TEX9: variants seen among roughly 807,000 people sequenced by gnomAD.
TEX9 encodes testis-expressed protein 9.
A neutral mutation model predicts 59.6 loss-of-function variants in TEX9; 74 were observed. The ratio of observed to expected loss-of-function variants is 1.24; its 90% CI spans 1.03 to 1.51. TEX9 has a LOEUF of 1.51. Among genes scored for constraint, TEX9 ranks in the 40% most tolerant of loss-of-function variants. The pLI is 0.00. For missense variants in TEX9, 522 were observed against 447.8 expected (o/e 1.17, Z -1.49); for synonymous variants, 186 against 152.2 (o/e 1.22, Z -1.64).
At chr15:56,444,873 A>C (rs924465737) in intron 12 of TEX9, among the ~76,000 whole-genome samples, 1 of 152,058 alleles carries the variant, frequency 6.6e-6, no homozygotes, top group African/African-American at 2.4e-5. Flanking sequence ...CAGCTTTCCT[A>C]TCCCTTCAAG....
intron 1 of TEX9, among the ~76,000 whole-genome samples, chr15:56,248,338 T>C (rs1199741846): frequency 6.6e-6 from 1 of 152,230 alleles, no homozygotes; most frequent in Non-Finnish European, 1.5e-5. Context: ...TGTCATTATG[T>C]CATTAAAACA....
chr15:56,317,450 G>C (rs926437158), intron 1 of TEX9, among the ~76,000 whole-genome samples: 7 of 152,070 alleles, frequency 4.6e-5, no homozygotes, highest in African/African-American at 1.7e-4. Flanking sequence ...CTAGCTAAAG[G>C]TTTGTCAGTT....
chr15:56,261,600 C>A (rs971842355), intron 1 of TEX9, among the ~76,000 whole-genome samples: 2 of 152,000 alleles, frequency 1.3e-5, no homozygotes, highest in Non-Finnish European at 2.9e-5. Context: ...TGCCTGTAGT[C>A]CCGCTATTCG....
chr15:56,456,264 A>G, the TEX9 span: 1 of 767,002 alleles, frequency 1.3e-6, no homozygotes, highest in Non-Finnish European at 1.9e-6. Flanking sequence ...TAAAGCAATA[A>G]GTATTTCCAG....
chr15:56,363,797 T>A (rs2046837476), upstream of TEX9, among the ~76,000 whole-genome samples: 1 of 151,806 alleles, frequency 6.6e-6, no homozygotes, highest in Admixed American at 6.6e-5. Flanking sequence ...TCCTAGTAGT[T>A]GGGACTACAG....
intron 1 of TEX9, among the ~76,000 whole-genome samples, chr15:56,307,130 G>A (rs1474962555): frequency 2.0e-5 from 3 of 152,144 alleles, no homozygotes; most frequent in African/African-American, 7.2e-5. Flanking sequence ...TAGGACACCT[G>A]CCCTAGCTTT....
chr15:56,354,083 C>T (rs1278047326), intron 1 of TEX9, among the ~76,000 whole-genome samples: 2 of 151,888 alleles, frequency 1.3e-5, no homozygotes, highest in Non-Finnish European at 2.9e-5. Context: ...TGTAATAATC[C>T]AGGCTAACAT....
In TEX9 at chr15:56,279,215, G is replaced by T. The variant is rs1205213221; in HGVS notation, c.-107+34937G>T. ...CCTCATGAATTTATAGTTTTCTCAT[G>T]TTTTAAAGTATTTGAAACCACCAAC... On this transcript the variant is annotated intron_variant, in intron 1 of 5. Transcript: ENST00000560827. Among the ~76,000 whole-genome samples the T allele has an allele frequency of 6.6e-5, 10 of 152,284 alleles. No individual in the cohort carries two copies. The East Asian group carries it at 1.9e-3, about 29-fold the overall frequency.
At chr15:56,340,396 G>T (rs1006170928) in intron 1 of TEX9, among the ~76,000 whole-genome samples, 1 of 152,134 alleles carries the variant, frequency 6.6e-6, no homozygotes, top group Non-Finnish European at 1.5e-5. Context: ...ATCATTGGTT[G>T]TCAGTATTCA....
At chr15:56,351,850 C>G (rs1366235083) in intron 1 of TEX9, among the ~76,000 whole-genome samples, 3 of 152,112 alleles carry the variant, frequency 2.0e-5, no homozygotes, top group African/African-American at 7.2e-5. Flanking sequence ...AAGAAAGTAT[C>G]AAGTTGAGTT....
intron 10 of TEX9, among the ~76,000 whole-genome samples, chr15:56,425,887 G>A (rs1398970142): frequency 1.3e-5 from 2 of 152,118 alleles, no homozygotes; most frequent in East Asian, 1.9e-4. Flanking sequence ...TCAGCATGGT[G>A]TAAAGTCTTG....
intron 1 of TEX9, among the ~76,000 whole-genome samples, chr15:56,251,827 A>G (rs1425205242): frequency 6.6e-6 from 1 of 152,134 alleles, no homozygotes; most frequent in Non-Finnish European, 1.5e-5. Context: ...CCTTGGGGAA[A>G]TTCAGGATAA....
At chr15:56,454,131 G>A in the TEX9 span, among the ~76,000 whole-genome samples, 1 of 152,052 alleles carries the variant, frequency 6.6e-6, no homozygotes, top group Non-Finnish European at 1.5e-5. Flanking sequence ...ATGACTTTTA[G>A]TTTGAAAAAA....
intron 1 of TEX9, among the ~76,000 whole-genome samples, chr15:56,255,671 C>G (rs775240429): frequency 2.0e-5 from 3 of 151,944 alleles, no homozygotes; most frequent in Non-Finnish European, 4.4e-5. Context: ...GTAAGAAGCT[C>G]TACTAATACT....
intron 1 of TEX9, among the ~76,000 whole-genome samples, chr15:56,253,176 C>A (rs1273361213): frequency 6.6e-6 from 1 of 152,086 alleles, no homozygotes; most frequent in Non-Finnish European, 1.5e-5. Flanking sequence ...GCAAGAAATT[C>A]CTTGATCAGA....
At chr15:56,409,486 C>T (rs1338756363) in intron 9 of TEX9, among the ~76,000 whole-genome samples, 5 of 151,916 alleles carry the variant, frequency 3.3e-5, no homozygotes, top group South Asian at 4.2e-4. Context: ...AATTCTTTCC[C>T]CAAGATCTTT....
At chr15:56,415,910 C>G (rs1170981317) in intron 10 of TEX9, among the ~76,000 whole-genome samples, 1 of 151,692 alleles carries the variant, frequency 6.6e-6, no homozygotes, top group Admixed American at 6.6e-5. Context: ...TTTCTTTGAG[C>G]AGTGTTTCGT....
At chr15:56,329,462 A>T (rs568034354) in intron 1 of TEX9, among the ~76,000 whole-genome samples, 2 of 152,348 alleles carry the variant, frequency 1.3e-5, no homozygotes, top group South Asian at 4.1e-4. Flanking sequence ...TTCCGGGATA[A>T]ATCGTGTGGA....
intron 9 of TEX9, among the ~76,000 whole-genome samples, chr15:56,399,330 C>A (rs1406129246): frequency 6.6e-6 from 1 of 152,228 alleles, no homozygotes; most frequent in Non-Finnish European, 1.5e-5. Flanking sequence ...CTTGGCGGGT[C>A]ACACACCCAC....
Sources: gnomAD v4.1 joint callset for allele counts (sites outside exome capture counted in the v4.1 genomes callset) on GRCh38, gnomAD v4.1.1 for gene constraint, MANE v1.5 for transcripts, NCBI Gene and HGNC (gene_info 2026-07-23, HGNC 2026-07-21) for gene names.